The following PPIC variants were observed in gnomAD, a reference collection of about 807,000 sequenced individuals.
PPIC encodes the protein peptidylprolyl isomerase C, also known as peptidyl-prolyl cis-trans isomerase C.
A neutral mutation model predicts 19.5 loss-of-function variants in PPIC; 19 were observed. The ratio of observed to expected loss-of-function variants is 0.98; its 90% CI spans 0.68 to 1.43. The LOEUF (loss-of-function observed/expected upper bound fraction) is 1.43, where lower values mean the gene tolerates loss of function less well. Ranked by LOEUF, PPIC falls within the 40% of genes most tolerant of loss-of-function variation. The pLI is 0.00. For missense variants in PPIC, 268 were observed against 268.6 expected (o/e 1.00, Z 0.02); for synonymous variants, 107 against 101.2 (o/e 1.06, Z -0.34).
chr5:123,026,693 G>A (rs1350447204), intron 3 of PPIC, among the ~76,000 whole-genome samples: 2 of 152,224 alleles, frequency 1.3e-5, no homozygotes, highest in Non-Finnish European at 2.9e-5. Flanking sequence ...GGAGCACCCA[G>A]TGGTCAACCT....
intron 4 of PPIC, among the ~76,000 whole-genome samples, chr5:123,025,539 C>T (rs997102233): frequency 6.6e-6 from 1 of 152,144 alleles, no homozygotes; most frequent in Non-Finnish European, 1.5e-5. Flanking sequence ...AAGGGCTTTA[C>T]ATTTATATCA....
chr5:123,023,807 AACACACACACACACACAC>A lies in PPIC; in HGVS notation c.*50_*67del. 7.7e-7 allele frequency: 1 copy of A among 1,293,846 alleles called. No homozygotes were observed. The highest frequency in any genetic ancestry group is 1.6e-5 in the African/African-American group (1 of 64,264). The allele number at this position is 1,293,846 out of a possible 1,614,324, so 80.1% of individuals were successfully genotyped here. Reference sequence around the variant, plus strand: ...AAAGCAAATAATTGAAAGACAACACAACACACACACACACACACACACACACACACCCCTGCCAAAGCA... The same window carrying A: ...AAAGCAAATAATTGAAAGACAACACAACACACACACACCCCTGCCAAAGCA... On this transcript the variant is annotated 3_prime_UTR_variant, in exon 5 of 5. Coordinates refer to ENST00000306442, the MANE Select transcript of PPIC (RefSeq NM_000943.5).
chr5:123,029,562 A>G, intron 1 of PPIC, 144 bp from the exon 2 acceptor site: 3 of 1,378,578 alleles, frequency 2.2e-6, no homozygotes, highest in South Asian at 4.0e-5. Flanking sequence ...ACATCAATTA[A>G]AGGTACTTTA....
At position 123,036,119 on chromosome 5, in the gene PPIC, C is replaced by T. The variant is rs1175321717; in HGVS notation, c.117+390G>A. Reference sequence around the variant, plus strand: ...CTCCTGTGCGGGTCCCGCCCCCCTCCCCGCATTCCTCTCGTTCTGCTCCCG... The same window carrying T: ...CTCCTGTGCGGGTCCCGCCCCCCTCTCCGCATTCCTCTCGTTCTGCTCCCG... On this transcript the variant is annotated intron_variant, in intron 1 of 4. Transcript: ENST00000306442. This position sits in a 1 kb window ranked among gnomAD's most constrained non-coding sequence, Gnocchi z 4.5. Among the ~76,000 whole-genome samples the T allele has an allele frequency of 1.3e-5, 2 of 152,152 alleles. No homozygotes were observed. The highest frequency in any genetic ancestry group is 2.9e-5 in the Non-Finnish European group (2 of 68,000).
At chr5:123,032,204 A>G (rs1178552728) in intron 1 of PPIC, among the ~76,000 whole-genome samples, 2 of 152,238 alleles carry the variant, frequency 1.3e-5, no homozygotes, top group African/African-American at 4.8e-5. Flanking sequence ...AACCCACATC[A>G]TCTTATATAA....
intron 1 of PPIC, among the ~76,000 whole-genome samples, chr5:123,031,313 G>A (rs1581875004): frequency 2.0e-5 from 3 of 152,242 alleles, no homozygotes; most frequent in Non-Finnish European, 4.4e-5. Flanking sequence ...ACAGGGCAGT[G>A]TGTGACAAAT....
chr5:123,029,908 C>T (rs1191457504), intron 1 of PPIC, among the ~76,000 whole-genome samples: 1 of 152,152 alleles, frequency 6.6e-6, no homozygotes, highest in African/African-American at 2.4e-5. Context: ...TTCAAACAGT[C>T]CTAAATTTGC....
intron 1 of PPIC, among the ~76,000 whole-genome samples, chr5:123,031,126 C>A (rs1189773289): frequency 1.3e-5 from 2 of 152,314 alleles, no homozygotes; most frequent in East Asian, 3.9e-4. Flanking sequence ...AGCATAAGAA[C>A]ACACAGCAGG....
chr5:123,035,299 A>T (rs1037001417), intron 1 of PPIC, among the ~76,000 whole-genome samples: 2 of 152,184 alleles, frequency 1.3e-5, no homozygotes, highest in Non-Finnish European at 2.9e-5. Context: ...AATTGTGCGA[A>T]TTTTATGTTT....
chr5:123,035,880 T>C (rs1019679113), intron 1 of PPIC, among the ~76,000 whole-genome samples: 29 of 152,140 alleles, frequency 1.9e-4, no homozygotes, highest in Non-Finnish European at 3.5e-4. Flanking sequence ...GGTGCCGCCT[T>C]CGCCCGGCCT....
intron 1 of PPIC, among the ~76,000 whole-genome samples, chr5:123,034,258 C>A (rs114358545): frequency 1.8e-3 from 277 of 152,262 alleles, no homozygotes; most frequent in African/African-American, 6.3e-3. Flanking sequence ...TTTAACAGAG[C>A]AGAATCTGTT....
chr5:123,033,876 C>T (rs1762971390), intron 1 of PPIC, among the ~76,000 whole-genome samples: 1 of 152,222 alleles, frequency 6.6e-6, no homozygotes, highest in South Asian at 2.1e-4. Context: ...CCGGATCCTG[C>T]ACAGATCCCA....
intron 1 of PPIC, among the ~76,000 whole-genome samples, chr5:123,033,237 G>A (rs1054971336): frequency 6.6e-6 from 1 of 152,212 alleles, no homozygotes; most frequent in African/African-American, 2.4e-5. Context: ...AGTGACTTCT[G>A]AAATCAGGGA....
At chr5:123,028,338 T>G (rs915855953) in intron 3 of PPIC, among the ~76,000 whole-genome samples, 2 of 152,236 alleles carry the variant, frequency 1.3e-5, no homozygotes, top group African/African-American at 4.8e-5. Context: ...GAAAGTGCGC[T>G]GTGACCCTGC....
intron 1 of PPIC, among the ~76,000 whole-genome samples, chr5:123,030,338 C>G (rs1391730818): frequency 6.6e-6 from 1 of 152,148 alleles, no homozygotes; most frequent in East Asian, 1.9e-4. Context: ...AAATAGAACG[C>G]TTGAAAAGGC....
intron 1 of PPIC, among the ~76,000 whole-genome samples, chr5:123,032,786 G>A (rs530423496): frequency 1.3e-5 from 2 of 152,290 alleles, no homozygotes; most frequent in Non-Finnish European, 2.9e-5. Context: ...CATGGTAAGG[G>A]GTGGTGATTA....
chr5:123,031,959 G>T (rs1762949050), intron 1 of PPIC, among the ~76,000 whole-genome samples: 1 of 152,088 alleles, frequency 6.6e-6, no homozygotes, highest in South Asian at 2.1e-4. Context: ...ACCACACCTG[G>T]CTAATTTTTG....
intron 3 of PPIC, chr5:123,028,378 G>A (rs780062222): frequency 6.0e-5 from 10 of 166,080 alleles, no homozygotes; most frequent in Non-Finnish European, 1.2e-4. Context: ...CTCCTGGCAT[G>A]AGGCCCGTCT....
At chr5:123,034,706 TG>T in intron 1 of PPIC, among the ~76,000 whole-genome samples, 1 of 152,354 alleles carries the variant, frequency 6.6e-6, no homozygotes, top group South Asian at 2.1e-4. Flanking sequence ...CTGGGCATCC[TG>T]TATTTTATTT....
Sources: allele counts gnomAD v4.1 joint callset (sites outside exome capture counted in the v4.1 genomes callset), GRCh38; gene constraint gnomAD v4.1.1; non-coding constraint Gnocchi (gnomAD v3.1); transcripts MANE v1.5; gene names NCBI Gene and HGNC (gene_info 2026-07-23, HGNC 2026-07-21).